Variants in ANKRD30BL observed in about 807,000 individuals in gnomAD.
The protein encoded by ANKRD30BL is ankyrin repeat domain 30B like, also known as putative ankyrin repeat domain-containing protein 30B-like.
ANKRD30BL carries 20 observed loss-of-function variants against 18.4 expected under a neutral mutation model. That is an observed-to-expected ratio of 1.09 (90% CI 0.77 to 1.58). The LOEUF (loss-of-function observed/expected upper bound fraction) is 1.58. ANKRD30BL is among the 40% of genes most tolerant of loss of function. The pLI, the probability that ANKRD30BL is intolerant of heterozygous loss-of-function variation, is 0.00. For missense variants in ANKRD30BL, 224 were observed against 268.6 expected (o/e 0.83, Z 1.16); for synonymous variants, 72 against 100.9 (o/e 0.71, Z 1.72).
chr2:132,175,178 A>C (rs112072321), intron 1 of ANKRD30BL, among the ~76,000 whole-genome samples: 1 of 143,536 alleles, frequency 7.0e-6, no homozygotes, highest in Non-Finnish European at 1.5e-5. Flanking sequence ...CCAGCACCGG[A>C]CTCTGAGTTC....
In ANKRD30BL at chr2:132,156,990, T is replaced by C. The variant is rs1251519360; in HGVS notation, c.490A>G (p.Ile164Val). 2 of 1,233,052 alleles carry C rather than the reference T, an allele frequency of 1.6e-6. No individual in the cohort carries two copies. The highest frequency in any genetic ancestry group is 2.3e-6 in the Non-Finnish European group (2 of 877,022). The allele number at this position is 1,233,052 out of a possible 1,614,324, so 76.4% of individuals were successfully genotyped here. A position where few individuals can be genotyped will look rare whatever the true frequency, so the allele number is the denominator to read the frequency against. The part of the protein sequence containing the change: ...VAKLLSCGAD[I>V]EVKNKAGHTP... ...ATGTCTACCTTGTTCTTCACTTCGA[T>C]GTCTGCACCACAGGACAGCAATTTT... is the stretch of plus-strand genomic sequence containing the variant. Residue 164 changes from isoleucine (I) to valine (V), a missense_variant, in exon 3 of 6, where the codon ATC becomes GTC. By Grantham distance (29) the Ile-to-Val change is conservative. Around this residue, in one of 3 missense-constraint regions of ANKRD30BL, gnomAD observed 30 missense variants for 77.5 expected, o/e 0.39. Coordinates refer to ENST00000409867, the MANE Select transcript of ANKRD30BL (RefSeq NM_001358416.1).
rs543020234 is a variant in ANKRD30BL, at chr2:132,217,172, T to C, written n.441+40357A>G. On this transcript the variant is annotated intron_variant and non_coding_transcript_variant, in intron 1 of 4. Coordinates refer to the ANKRD30BL transcript ENST00000470729. Reference sequence around the variant, plus strand: ...TCCACTCACAGAGTTGGACACACTTTATCATAGAGCAGTTTTGAAACACTC... The same window carrying C: ...TCCACTCACAGAGTTGGACACACTTCATCATAGAGCAGTTTTGAAACACTC... Among the ~76,000 whole-genome samples, 4 of 152,226 alleles carry C rather than the reference T, an allele frequency of 2.6e-5. No individual in the cohort carries two copies. The East Asian group carries it at 5.8e-4, about 22-fold the overall frequency.
intron 1 of ANKRD30BL, among the ~76,000 whole-genome samples, chr2:132,209,656 T>G (rs1317005172): frequency 1.3e-5 from 2 of 152,016 alleles, no homozygotes; most frequent in African/African-American, 2.4e-5. Context: ...TTGGATCAGT[T>G]TGGGGCCTGT....
In ANKRD30BL at chr2:132,232,181, C is replaced by T. The variant is rs546538975; in HGVS notation, n.441+25348G>A. On this transcript the variant is annotated intron_variant and non_coding_transcript_variant, in intron 1 of 4. Transcript: ENST00000470729. ...AAGGACATCCACAACAAAAACCCAT[C>T]TGTACATCACCATCATCAAAGACCA... Among the ~76,000 whole-genome samples the T allele has an allele frequency of 2.0e-3, 303 of 152,334 alleles. 1 individual carries two copies. The highest frequency in any genetic ancestry group is 7.1e-3 in the African/African-American group (294 of 41,576).
rs1688200447 is a variant in ANKRD30BL, at chr2:132,167,169, T to A, written n.442-10023A>T. ...TATGAACTTTATTCTTTGAAAAATT[T>A]TAAGACGTTTATGGCCCATAATGCA... is the stretch of plus-strand genomic sequence containing the variant. On this transcript the variant is annotated intron_variant and non_coding_transcript_variant, in intron 1 of 4. Transcript: ENST00000470729. Among the ~76,000 whole-genome samples the A allele has an allele frequency of 3.3e-5, 5 of 151,860 alleles. No homozygotes were observed. The South Asian group carries it at 1.0e-3, about 32-fold the overall frequency.
chr2:132,160,495 G>A (rs1402284142), intron 1 of ANKRD30BL, among the ~76,000 whole-genome samples: 1 of 149,314 alleles, frequency 6.7e-6, no homozygotes, highest in Admixed American at 6.8e-5. Context: ...CTGGAGTGCA[G>A]TGGTGCGATC....
At chr2:132,239,691 C>T (rs184584905) in intron 1 of ANKRD30BL, among the ~76,000 whole-genome samples, 2,050 of 151,660 alleles carry the variant, frequency 0.014, 39 homozygotes, top group African/African-American at 0.047. Context: ...GTGATGTTTG[C>T]ATTCTTCTCA....
intron 1 of ANKRD30BL, among the ~76,000 whole-genome samples, chr2:132,255,933 G>A (rs1045350572): frequency 2.0e-5 from 3 of 152,180 alleles, no homozygotes; most frequent in African/African-American, 7.2e-5. Flanking sequence ...CGACCCCCCG[G>A]CCGGGGACGG....
chr2:132,228,747 C>T (rs1385301760), intron 1 of ANKRD30BL, among the ~76,000 whole-genome samples: 1 of 144,224 alleles, frequency 6.9e-6, no homozygotes, highest in East Asian at 2.0e-4. Context: ...TGCTTTGTGG[C>T]CTATGGTAGA....
exon 1 of ANKRD30BL, chr2:132,257,934 T>G (rs78724730): frequency 2.0e-5 from 3 of 153,714 alleles, no homozygotes; most frequent in Admixed American, 6.5e-5. Flanking sequence ...GGCAGAACGG[T>G]AGCCCCTCGG....
At chr2:132,189,041 A>G (rs1678790322) in intron 1 of ANKRD30BL, among the ~76,000 whole-genome samples, 1 of 152,174 alleles carries the variant, frequency 6.6e-6, no homozygotes, top group African/African-American at 2.4e-5. Flanking sequence ...GGTTATACCA[A>G]TTTGATTTAC....
intron 1 of ANKRD30BL, among the ~76,000 whole-genome samples, chr2:132,203,007 A>C (rs980840900): frequency 6.6e-6 from 1 of 152,250 alleles, no homozygotes; most frequent in Non-Finnish European, 1.5e-5. Flanking sequence ...GTTAATTAAC[A>C]GTCAGTTCAT....
At chr2:132,171,025 G>A (rs1288222114) in intron 1 of ANKRD30BL, among the ~76,000 whole-genome samples, 3 of 151,898 alleles carry the variant, frequency 2.0e-5, no homozygotes, top group Non-Finnish European at 2.9e-5. Flanking sequence ...GCGTGGTGGC[G>A]GGCGCCTGTA....
At chr2:132,254,096 G>A (rs1680749055) in intron 1 of ANKRD30BL, among the ~76,000 whole-genome samples, 1 of 151,540 alleles carries the variant, frequency 6.6e-6, no homozygotes, top group Non-Finnish European at 1.5e-5. Flanking sequence ...GCCACAGCAG[G>A]GGACTGCTCC....
chr2:132,250,414 A>G (rs1312813852), intron 1 of ANKRD30BL, among the ~76,000 whole-genome samples: 1 of 152,120 alleles, frequency 6.6e-6, no homozygotes, highest in Non-Finnish European at 1.5e-5. Flanking sequence ...AAGTGCTCAT[A>G]ATTAGTTTTT....
At chr2:132,234,536 C>A (rs992937568) in intron 1 of ANKRD30BL, among the ~76,000 whole-genome samples, 1 of 152,064 alleles carries the variant, frequency 6.6e-6, no homozygotes, top group Non-Finnish European at 1.5e-5. Flanking sequence ...ATACAAACTA[C>A]CATCAGAGAA....
At chr2:132,199,622 T>A (rs1420206708) in intron 1 of ANKRD30BL, among the ~76,000 whole-genome samples, 1 of 152,074 alleles carries the variant, frequency 6.6e-6, no homozygotes, top group Non-Finnish European at 1.5e-5. Flanking sequence ...ATCTCCTGCC[T>A]CAGCCTCATG....
chr2:132,234,715 G>A (rs1680107628), intron 1 of ANKRD30BL, among the ~76,000 whole-genome samples: 1 of 152,148 alleles, frequency 6.6e-6, no homozygotes, highest in East Asian at 1.9e-4. Context: ...AACAAAAAGA[G>A]TCCAGGACCA....
At chr2:132,178,521 T>C (rs559571332) in intron 1 of ANKRD30BL, among the ~76,000 whole-genome samples, 1 of 152,288 alleles carries the variant, frequency 6.6e-6, no homozygotes, top group Non-Finnish European at 1.5e-5. Flanking sequence ...GATGTGAACA[T>C]GGAAGAAAAT....
Sources: allele counts gnomAD v4.1 joint callset (sites outside exome capture counted in the v4.1 genomes callset), GRCh38; gene constraint gnomAD v4.1.1; regional missense constraint gnomAD v4.1.1; transcripts MANE v1.5; gene names NCBI Gene and HGNC (gene_info 2026-07-23, HGNC 2026-07-21).